Variants in KAZN observed in about 807,000 individuals in gnomAD.
The protein encoded by KAZN is kazrin, periplakin interacting protein, also known as kazrin.
KAZN carries 40 observed loss-of-function variants against 87.4 expected under a neutral mutation model. The observed-to-expected ratio is 0.46, with a 90% CI of 0.36 to 0.60. KAZN has a LOEUF of 0.60. KAZN is among the 20% of genes least tolerant of loss of function. KAZN has a pLI of 0.00. For synonymous variants in KAZN, 466 were observed against 458.3 expected, an observed-to-expected ratio of 1.02 and a Z score of -0.22; for missense variants, 898 against 1,073.9, an observed-to-expected ratio of 0.84 and a Z score of 2.29.
intron 1 of KAZN, among the ~76,000 whole-genome samples, chr1:13,897,155 A>C (rs1314906321): frequency 6.6e-6 from 1 of 152,030 alleles, no homozygotes; most frequent in Non-Finnish European, 1.5e-5. Flanking sequence ...AGCCATGCCC[A>C]TTTATGTACA....
At chr1:13,913,952 G>A (rs1570262299) in intron 1 of KAZN, among the ~76,000 whole-genome samples, 1 of 152,214 alleles carries the variant, frequency 6.6e-6, no homozygotes, top group Non-Finnish European at 1.5e-5. Flanking sequence ...GAACTTGTTA[G>A]AAAGGCAGAT....
intron 1 of KAZN, among the ~76,000 whole-genome samples, chr1:14,867,238 C>T (rs1225751121): frequency 6.6e-6 from 1 of 152,196 alleles, no homozygotes; most frequent in African/African-American, 2.4e-5. Context: ...TCTCCCTCCT[C>T]TTTTGCCTTG....
chr1:14,465,596 C>T (rs1200266339), intron 2 of KAZN, among the ~76,000 whole-genome samples: 2 of 152,034 alleles, frequency 1.3e-5, no homozygotes, highest in African/African-American at 2.4e-5. Flanking sequence ...ATCACAAAGC[C>T]TCTTGAGACC....
At chr1:14,845,184 T>C (rs1648569936) in intron 1 of KAZN, among the ~76,000 whole-genome samples, 1 of 148,162 alleles carries the variant, frequency 6.7e-6, no homozygotes. Flanking sequence ...GATGGATGGA[T>C]GGATGGATGG....
intron 1 of KAZN, among the ~76,000 whole-genome samples, chr1:13,985,801 T>A (rs1638988883): frequency 6.6e-6 from 1 of 152,222 alleles, no homozygotes; most frequent in Admixed American, 6.5e-5. Context: ...GTGACTAGCA[T>A]CTTTCACTTA....
intron 2 of KAZN, among the ~76,000 whole-genome samples, chr1:15,030,916 G>A (rs903713463): frequency 1.4e-4 from 21 of 152,248 alleles, no homozygotes; most frequent in African/African-American, 5.1e-4. Context: ...TCCCCACTGC[G>A]TGGGCCTCCT....
intron 1 of KAZN, among the ~76,000 whole-genome samples, chr1:14,841,213 C>A (rs916104215): frequency 6.6e-6 from 1 of 151,494 alleles, no homozygotes; most frequent in Non-Finnish European, 1.5e-5. Context: ...GTCAGGAGAT[C>A]GAGAACACGT....
chr1:14,108,254 C>A (rs1644422929), intron 1 of KAZN, among the ~76,000 whole-genome samples: 1 of 152,032 alleles, frequency 6.6e-6, no homozygotes, highest in South Asian at 2.1e-4. Flanking sequence ...TCCCCACCTC[C>A]ACCAAGCCAG....
chr1:14,044,115 C>CTCTT (rs1472741175), intron 1 of KAZN, among the ~76,000 whole-genome samples: 15 of 152,108 alleles, frequency 9.9e-5, no homozygotes, highest in Non-Finnish European at 5.9e-5. Flanking sequence ...TGTGATCTCT[C>CTCTT]TCTCTCTCTC....
chr1:14,505,685 A>G (rs1670545001), intron 2 of KAZN, among the ~76,000 whole-genome samples: 2 of 152,166 alleles, frequency 1.3e-5, no homozygotes. Context: ...GAGATGATGA[A>G]AAAGTTGGCT....
At chr1:14,697,863 C>T (rs938610663) in intron 1 of KAZN, among the ~76,000 whole-genome samples, 3 of 152,218 alleles carry the variant, frequency 2.0e-5, no homozygotes, top group Non-Finnish European at 4.4e-5. Context: ...AATTCCATCT[C>T]GAGCTCCTCA....
At chr1:14,523,901 T>C (rs889525732) in intron 2 of KAZN, among the ~76,000 whole-genome samples, 2 of 152,216 alleles carry the variant, frequency 1.3e-5, no homozygotes, top group African/African-American at 4.8e-5. Context: ...GGAATAAAAA[T>C]GCCACATATG....
chr1:14,417,435 G>A (rs547580633), intron 2 of KAZN, among the ~76,000 whole-genome samples: 138 of 152,264 alleles, frequency 9.1e-4, no homozygotes, highest in Non-Finnish European at 1.2e-3. Flanking sequence ...TCACAGAAAG[G>A]TGAACTAAGA....
intron 2 of KAZN, among the ~76,000 whole-genome samples, chr1:14,405,979 G>C (rs1475101522): frequency 2.6e-5 from 4 of 152,156 alleles, no homozygotes; most frequent in Admixed American, 1.3e-4. Flanking sequence ...ATCTCAGATG[G>C]TTAATCGGTG....
intron 2 of KAZN, among the ~76,000 whole-genome samples, chr1:14,327,222 T>C (rs911126596): frequency 6.6e-6 from 1 of 152,208 alleles, no homozygotes; most frequent in Non-Finnish European, 1.5e-5. Context: ...AGGTTATACA[T>C]AATACAATGT....
chr1:14,414,466 A>G (rs1450898126), intron 2 of KAZN, among the ~76,000 whole-genome samples: 1 of 152,202 alleles, frequency 6.6e-6, no homozygotes, highest in Non-Finnish European at 1.5e-5. Flanking sequence ...AACAGTTAAA[A>G]TGATTGAACC....
At chr1:14,836,055 T>C (rs959561355) in intron 1 of KAZN, among the ~76,000 whole-genome samples, 2 of 152,162 alleles carry the variant, frequency 1.3e-5, no homozygotes, top group Non-Finnish European at 2.9e-5. Context: ...AGCAGGCCCC[T>C]GAGCCCCTCC....
chr1:14,177,176 C>A (rs986403377), intron 1 of KAZN, among the ~76,000 whole-genome samples: 1 of 152,024 alleles, frequency 6.6e-6, no homozygotes, highest in Non-Finnish European at 1.5e-5. Flanking sequence ...AGACAATATG[C>A]TTACATTGGC....
chr1:15,029,656 G>A (rs761392098), intron 2 of KAZN, among the ~76,000 whole-genome samples: 6 of 152,196 alleles, frequency 3.9e-5, no homozygotes, highest in Admixed American at 2.6e-4. Context: ...TGAGGTGCTG[G>A]GGGGGTTCCC....
Sources: allele counts gnomAD v4.1 joint callset (sites outside exome capture counted in the v4.1 genomes callset), GRCh38; gene constraint gnomAD v4.1.1; transcripts MANE v1.5; gene names NCBI Gene and HGNC (gene_info 2026-07-23, HGNC 2026-07-21).